Variants in FANCA observed in about 807,000 individuals in gnomAD.
The protein encoded by FANCA is Fanconi anemia group A protein.
In FANCA, 236 loss-of-function variants were observed where a neutral mutation model predicts 194.3. That is an observed-to-expected ratio of 1.21 (90% CI 1.09 to 1.35). The LOEUF (loss-of-function observed/expected upper bound fraction) is 1.35, where lower values mean the gene tolerates loss of function less well. FANCA is among the 40% of genes most tolerant of loss of function. FANCA has a pLI of 0.00. For missense variants in FANCA, 2,628 were observed against 1,813.9 expected (o/e 1.45, Z -8.15); for synonymous variants, 1,014 against 715.8 (o/e 1.42, Z -6.65).
chr16:89,807,898 C>T (rs887050738), intron 6 of FANCA, among the ~76,000 whole-genome samples: 16 of 149,682 alleles, frequency 1.1e-4, no homozygotes, highest in Non-Finnish European at 1.9e-4. Flanking sequence ...AAAATAAATA[C>T]ATAACAAAAA....
chr16:89,806,347 C>CTTTTTT (rs34862478), intron 6 of FANCA, among the ~76,000 whole-genome samples: 23 of 110,388 alleles, frequency 2.1e-4, no homozygotes, highest in East Asian at 6.2e-4. Flanking sequence ...CTATATCATT[C>CTTTTTT]TTTTTTTTTT....
intron 4 of FANCA, 61 bp downstream of exon 4, chr16:89,810,867 AT>A (rs2143678551): frequency 6.2e-7 from 1 of 1,613,832 alleles, no homozygotes; most frequent in Non-Finnish European, 8.5e-7. Flanking sequence ...GCTATGTCCT[AT>A]TTTCCCAACC....
intron 38 of FANCA, 144 bp downstream of exon 38, chr16:89,740,660 G>T (rs1382996836): frequency 2.2e-5 from 14 of 630,960 alleles, no homozygotes; most frequent in Non-Finnish European, 4.0e-5. Flanking sequence ...AAAAACCCAC[G>T]GCCTGGGAGT....
At position 89,770,191 on chromosome 16, in the gene FANCA, C is replaced by G. The variant is rs377442601; in HGVS notation, c.2291G>C (p.Arg764Pro). ...CGRVLPAVLTRLCQLLRHQGP... is the reference protein window; with the variant it reads ...CGRVLPAVLTPLCQLLRHQGP... ...CTGGTGACGGAGCAGCTGGCAGAGCCGGGTGAGCACTGCAGGGAGCACACG... is the reference window on the plus strand; with the variant it reads ...CTGGTGACGGAGCAGCTGGCAGAGCGGGGTGAGCACTGCAGGGAGCACACG... The change falls in exon 25 of 43, where the codon CGG becomes CCG. Residue 764 changes from arginine to proline, a missense_variant. Physicochemically the swap from Arg to Pro is moderately radical, Grantham distance 103. Transcript: ENST00000389301. The G allele has an allele frequency of 2.5e-6, 4 of 1,592,944 alleles. No individual in the cohort carries two copies. The highest frequency in any genetic ancestry group is 3.4e-6 in the Non-Finnish European group (4 of 1,170,364).
rs374765708 is a variant in FANCA at position 89,739,131 on chromosome 16, G to A, written c.4167+2C>T. 2.5e-6 allele frequency: 4 copies of A among 1,614,022 alleles called. No individual in the cohort carries two copies. The highest frequency in any genetic ancestry group is 3.4e-6 in the Non-Finnish European group (4 of 1,180,042). ...GGAGGTGGGACTGGCCCTTGCACCTGCCTGACCCTTGAGCTCCAGGCTCCT... is the reference window on the plus strand; with the variant it reads ...GGAGGTGGGACTGGCCCTTGCACCTACCTGACCCTTGAGCTCCAGGCTCCT... On this transcript the variant is annotated splice_donor_variant, in intron 41 of 42. Coordinates refer to ENST00000389301, the MANE Select transcript of FANCA (RefSeq NM_000135.4). LOFTEE classifies it low-confidence loss of function (GC_TO_GT_DONOR).
intron 11 of FANCA, among the ~76,000 whole-genome samples, chr16:89,794,634 A>G (rs556364927): frequency 2.0e-5 from 3 of 152,316 alleles, no homozygotes; most frequent in East Asian, 3.9e-4. Flanking sequence ...AAGTGATGAT[A>G]AACTCCTGAG....
chr16:89,751,991 CG>C, intron 31 of FANCA, 146 bp downstream of exon 31: 1 of 770,932 alleles, frequency 1.3e-6, no homozygotes, highest in African/African-American at 1.7e-5. Flanking sequence ...AGCATGGTCT[CG>C]ATCTCCTGAC....
intron 30 of FANCA, among the ~76,000 whole-genome samples, chr16:89,756,637 GA>G (rs2143207035): frequency 6.6e-6 from 1 of 152,204 alleles, no homozygotes; most frequent in Non-Finnish European, 1.5e-5. Context: ...ATATAAATAA[GA>G]CAAAGTAAGA....
chr16:89,740,135 G>C, intron 38 of FANCA, 36 bp from the exon 39 acceptor site: 1 of 1,544,866 alleles, frequency 6.5e-7, no homozygotes, highest in Non-Finnish European at 8.9e-7. Flanking sequence ...GAGAATGGCC[G>C]ACCTGGTGCT....
chr16:89,801,240 A>G (rs555848250), intron 8 of FANCA, among the ~76,000 whole-genome samples: 1 of 148,566 alleles, frequency 6.7e-6, no homozygotes, highest in East Asian at 2.0e-4. Flanking sequence ...GCTATTCAGG[A>G]GGCTGAGGCA....
intron 15 of FANCA, among the ~76,000 whole-genome samples, chr16:89,784,052 G>A (rs909794931): frequency 6.6e-6 from 1 of 152,032 alleles, no homozygotes; most frequent in Non-Finnish European, 1.5e-5. Context: ...GAGCCACCAC[G>A]CCCGGCCAAT....
Position 89,754,383 on chromosome 16 carries a change from T to G in FANCA, c.2982-2161A>C, listed in dbSNP as rs143180731. ...TTATATGATCTTTCTTTTGTTTTTT[T>G]GTTTTGAGACTGAGTTTCACTCTTG... On this transcript the variant is annotated intron_variant, in intron 30 of 42. Coordinates refer to ENST00000389301, the MANE Select transcript of FANCA (RefSeq NM_000135.4). Among the ~76,000 whole-genome samples, 59 of 152,298 alleles carry G rather than the reference T, an allele frequency of 3.9e-4. No homozygotes were observed. The East Asian group carries it at 0.011, about 29-fold the overall frequency.
chr16:89,810,051 G>A (rs535461661), intron 5 of FANCA, among the ~76,000 whole-genome samples: 82 of 151,508 alleles, frequency 5.4e-4, no homozygotes, highest in African/African-American at 1.9e-3. Flanking sequence ...TGCCAGGCGC[G>A]GTGGCTCACA....
rs1262122499 is a variant in FANCA, at chr16:89,791,414, C to G, written c.1348G>C (p.Asp450His). Reference protein sequence around the residue: ...EGPSAFLSYADWFKASFGSTR... With the variant: ...EGPSAFLSYAHWFKASFGSTR... The stretch of plus-strand genomic sequence containing the variant: ...GGCAGGTCACTTACCTTGAACCAGT[C>G]TGCATATGACAGGAACGCAGAGGGG... Residue 450 changes from aspartate (D) to histidine (H), a missense_variant, in exon 14 of 43, where the codon GAC (aspartate) becomes CAC (histidine). Asp to His is a moderately conservative substitution (Grantham distance 81, BLOSUM62 -1). Coordinates refer to ENST00000389301, the MANE Select transcript of FANCA (RefSeq NM_000135.4). 6.2e-7 allele frequency: 1 copy of G among 1,614,032 alleles called. No individual in the cohort carries two copies. Among genetic ancestry groups the G allele is most frequent in the Admixed American group, 1.7e-5 (1 of 60,006 alleles).
At chr16:89,747,793 C>T (rs1452821476) in intron 33 of FANCA, among the ~76,000 whole-genome samples, 1 of 152,194 alleles carries the variant, frequency 6.6e-6, no homozygotes, top group Non-Finnish European at 1.5e-5. Flanking sequence ...TGTGCATCTT[C>T]AAAAACAAGA....
At chr16:89,776,380 G>A (rs1412936758) in intron 20 of FANCA, among the ~76,000 whole-genome samples, 1 of 151,064 alleles carries the variant, frequency 6.6e-6, no homozygotes, top group African/African-American at 2.4e-5. Flanking sequence ...TGTTCACCAG[G>A]CTGGCCTCGA....
At chr16:89,784,097 G>A (rs1352011844) in intron 15 of FANCA, among the ~76,000 whole-genome samples, 2 of 152,100 alleles carry the variant, frequency 1.3e-5, no homozygotes, top group African/African-American at 4.8e-5. Flanking sequence ...TGGGCACAGT[G>A]GCTCACACCT....
chr16:89,751,215 T>G (rs1338813806), intron 31 of FANCA, among the ~76,000 whole-genome samples: 2 of 151,760 alleles, frequency 1.3e-5, no homozygotes, highest in African/African-American at 4.8e-5. Flanking sequence ...TAAAGAAGAA[T>G]AAAGATCAGG....
chr16:89,784,540 ACT>A (rs2039832415), intron 15 of FANCA, among the ~76,000 whole-genome samples: 1 of 151,986 alleles, frequency 6.6e-6, no homozygotes, highest in Admixed American at 6.6e-5. Context: ...AGACCTGCTC[ACT>A]GTTTTGAGGG....
Sources: gnomAD v4.1 joint callset for allele counts (sites outside exome capture counted in the v4.1 genomes callset) on GRCh38, gnomAD v4.1.1 for gene constraint, MANE v1.5 for transcripts, NCBI Gene and HGNC (gene_info 2026-07-23, HGNC 2026-07-21) for gene names.